Variants in GTF2H5 observed in about 807,000 individuals in gnomAD.
The protein encoded by GTF2H5 is TFB5 ortholog.
GTF2H5 carries 5 observed loss-of-function variants against 7.1 expected under a neutral mutation model. The observed-to-expected ratio is 0.71, with a 90% CI of 0.37 to 1.49. GTF2H5 has a LOEUF of 1.49. Ranked by LOEUF, GTF2H5 falls within the 40% of genes most tolerant of loss-of-function variation. The probability of loss-of-function intolerance (pLI) is 0.03; values close to 1 mark genes in which losing one functional copy is unlikely to be tolerated. For synonymous variants in GTF2H5, 30 were observed against 31.7 expected (o/e 0.95, Z 0.18); for missense variants, 80 against 83.0 (o/e 0.96, Z 0.14).
intron 1 of GTF2H5, among the ~76,000 whole-genome samples, chr6:158,169,571 T>A (rs1050461252): frequency 1.6e-4 from 13 of 81,438 alleles, no homozygotes; most frequent in East Asian, 3.9e-4. Context: ...TATAATATAT[T>A]GTATATTATA....
At chr6:158,186,099 G>A (rs771745940) in intron 2 of GTF2H5, among the ~76,000 whole-genome samples, 3 of 152,224 alleles carry the variant, frequency 2.0e-5, no homozygotes, top group African/African-American at 7.2e-5. Context: ...CAGATGAAAC[G>A]TTAGTTGATT....
At chr6:158,184,617 G>A (rs1053044184) in intron 2 of GTF2H5, among the ~76,000 whole-genome samples, 1 of 152,086 alleles carries the variant, frequency 6.6e-6, no homozygotes, top group East Asian at 1.9e-4. Context: ...CCCAGACTCA[G>A]AAAACACTTT....
chr6:158,169,600 A>ATAT (rs1562468766), intron 1 of GTF2H5, among the ~76,000 whole-genome samples: 1 of 64,672 alleles, frequency 1.5e-5, no homozygotes, highest in African/African-American at 7.1e-5. Flanking sequence ...ATTGTATATT[A>ATAT]CATATATTGT....
intron 2 of GTF2H5, among the ~76,000 whole-genome samples, chr6:158,171,659 AAAAGG>A (rs1362709434): frequency 6.6e-6 from 1 of 152,172 alleles, no homozygotes; most frequent in African/African-American, 2.4e-5. Context: ...AGTACTGTGG[AAAAGG>A]AAAGGGAGGT....
At chr6:158,180,478 T>G (rs1785995458) in intron 2 of GTF2H5, among the ~76,000 whole-genome samples, 1 of 152,226 alleles carries the variant, frequency 6.6e-6, no homozygotes, top group Non-Finnish European at 1.5e-5. Flanking sequence ...TGGTAGAATT[T>G]GGCTGTGAAT....
At chr6:158,191,632 G>A (rs1462503256) in intron 2 of GTF2H5, among the ~76,000 whole-genome samples, 3 of 152,036 alleles carry the variant, frequency 2.0e-5, no homozygotes, top group Middle Eastern at 6.8e-3. Flanking sequence ...ACAGGCACCC[G>A]CCACCACACC....
chr6:158,171,008 A>G (rs1785848181), intron 2 of GTF2H5, among the ~76,000 whole-genome samples: 2 of 152,170 alleles, frequency 1.3e-5, no homozygotes, highest in South Asian at 2.1e-4. Flanking sequence ...AACCCCGGGA[A>G]CCCTGCTCTG....
At chr6:158,185,494 T>C (rs917573893) in intron 2 of GTF2H5, among the ~76,000 whole-genome samples, 3 of 150,966 alleles carry the variant, frequency 2.0e-5, no homozygotes, top group African/African-American at 7.3e-5. Context: ...TGAATTGGGA[T>C]TGTGCCACTG....
chr6:158,174,472 C>G (rs1397620653), intron 2 of GTF2H5, among the ~76,000 whole-genome samples: 2 of 152,174 alleles, frequency 1.3e-5, no homozygotes, highest in African/African-American at 4.8e-5. Flanking sequence ...AAGGGCTTAT[C>G]AAATACTAAA....
At chr6:158,168,707 G>A (rs572705876) in intron 1 of GTF2H5, among the ~76,000 whole-genome samples, 3 of 152,264 alleles carry the variant, frequency 2.0e-5, no homozygotes, top group African/African-American at 4.8e-5. Flanking sequence ...GATTTATTTA[G>A]TGAAGGGGCA....
At position 158,185,985 on chromosome 6, in the gene GTF2H5, T is replaced by A. The variant is rs550180638; in HGVS notation, c.36-5992T>A. ...CCTCCAGCCTGGGTGACGGTGAGAC[T>A]CTGTCTCAAAAAAAATAAAGAGAGC... On this transcript the variant is annotated intron_variant, in intron 2 of 2. Transcript: ENST00000607778. Among the ~76,000 whole-genome samples the A allele has an allele frequency of 2.6e-5, 4 of 152,172 alleles. No homozygotes were observed. The East Asian group carries it at 5.8e-4, about 22-fold the overall frequency.
In GTF2H5 at chr6:158,198,182, G is replaced by A. The variant is rs1777141550; in HGVS notation, c.*6025G>A. On this transcript the variant is annotated 3_prime_UTR_variant, in exon 3 of 3. Coordinates refer to ENST00000607778, the MANE Select transcript of GTF2H5 (RefSeq NM_207118.3). ...GTGCAGAAACTAACAGATGAAGGAG[G>A]AGAATCCCTAAAAACAGAGCATTGG... The A allele has an allele frequency of 6.6e-6, 1 of 152,076 alleles. No homozygotes were observed. Among genetic ancestry groups the A allele is most frequent in the Non-Finnish European group, 1.5e-5 (1 of 68,024 alleles). 9.4% of individuals were successfully genotyped at this position (152,076 alleles called of 1,614,324 possible).
chr6:158,170,318 A>G (rs2128428751), intron 1 of GTF2H5, among the ~76,000 whole-genome samples, 152 bp from the exon 2 acceptor site: 2 of 152,326 alleles, frequency 1.3e-5, no homozygotes, highest in Middle Eastern at 3.4e-3. Flanking sequence ...TTAAAAAATC[A>G]GAATGTCTTT....
intron 2 of GTF2H5, among the ~76,000 whole-genome samples, chr6:158,181,752 T>C (rs192641037): frequency 3.5e-4 from 53 of 152,260 alleles, no homozygotes; most frequent in African/African-American, 8.4e-4. Flanking sequence ...CATCCCTTTA[T>C]TTTGGGCCTA....
chr6:158,169,686 A>ATATATAGTATAT (rs1785787055), intron 1 of GTF2H5, among the ~76,000 whole-genome samples: 1 of 29,760 alleles, frequency 3.4e-5, no homozygotes, highest in African/African-American at 2.0e-4. Flanking sequence ...ATAATATATA[A>ATATATAGTATAT]TATATATTAT....
At chr6:158,175,302 G>A (rs1389732239) in intron 2 of GTF2H5, among the ~76,000 whole-genome samples, 1 of 152,122 alleles carries the variant, frequency 6.6e-6, no homozygotes, top group Admixed American at 6.6e-5. Flanking sequence ...TATCAAAATA[G>A]CTTTTAAATG....
chr6:158,171,994 C>T (rs1785863314), intron 2 of GTF2H5, among the ~76,000 whole-genome samples: 2 of 152,060 alleles, frequency 1.3e-5, no homozygotes, highest in Non-Finnish European at 2.9e-5. Flanking sequence ...CCTCGTTGGC[C>T]TTTAGTGTTA....
At chr6:158,187,017 G>A (rs1415330941) in intron 2 of GTF2H5, among the ~76,000 whole-genome samples, 3 of 151,878 alleles carry the variant, frequency 2.0e-5, no homozygotes, top group Admixed American at 1.3e-4. Flanking sequence ...CTTATTAGAC[G>A]AAGTCTCCCT....
At chr6:158,187,760 G>A (rs1274723764) in intron 2 of GTF2H5, among the ~76,000 whole-genome samples, 5 of 152,112 alleles carry the variant, frequency 3.3e-5, no homozygotes, top group South Asian at 4.1e-4. Context: ...TAGAGATGGG[G>A]TTTCACCGTG....
Sources: gnomAD v4.1 joint callset for allele counts (sites outside exome capture counted in the v4.1 genomes callset) on GRCh38, gnomAD v4.1.1 for gene constraint, MANE v1.5 for transcripts, NCBI Gene and HGNC (gene_info 2026-07-23, HGNC 2026-07-21) for gene names.